CD34: variants seen among roughly 807,000 people sequenced by gnomAD.
CD34 encodes the protein CD34 molecule, also known as hematopoietic progenitor cell antigen CD34.
CD34 carries 34 observed loss-of-function variants against 40.1 expected under a neutral mutation model. The ratio of observed to expected loss-of-function variants is 0.85; its 90% CI spans 0.65 to 1.13. CD34 has a LOEUF of 1.13. Among genes scored for constraint, CD34 ranks in the 50% most tolerant of loss-of-function variants. The pLI is 0.00. For missense variants in CD34, 426 were observed against 466.9 expected, an observed-to-expected ratio of 0.91 and a Z score of 0.81; for synonymous variants, 209 against 190.0, an observed-to-expected ratio of 1.10 and a Z score of -0.82.
At chr1:207,909,658 C>T (rs1021266034) in intron 1 of CD34, among the ~76,000 whole-genome samples, 1 of 152,172 alleles carries the variant, frequency 6.6e-6, no homozygotes, top group Non-Finnish European at 1.5e-5. Context: ...CTGCCTGCCT[C>T]GGCCTCCCAA....
intron 1 of CD34, among the ~76,000 whole-genome samples, chr1:207,903,565 C>T (rs911955094): frequency 6.6e-6 from 1 of 152,184 alleles, no homozygotes; most frequent in Non-Finnish European, 1.5e-5. Context: ...TTGATCTCAA[C>T]TTATGAACTG....
chr1:207,887,447 G>T lies in CD34; in HGVS notation c.*291C>A. ...TAGGGGAAGGGGGTCCTGTGTGAGTGCTGCAAGGCCATCGATTGTTCCTGG... is the reference window on the plus strand; with the variant it reads ...TAGGGGAAGGGGGTCCTGTGTGAGTTCTGCAAGGCCATCGATTGTTCCTGG... On this transcript the variant is annotated 3_prime_UTR_variant, in exon 8 of 8. Transcript: ENST00000310833. 1 of 365,122 alleles carries T rather than the reference G, an allele frequency of 2.7e-6. No homozygotes were observed. Among genetic ancestry groups the T allele is most frequent in the African/African-American group, 2.0e-5 (1 of 48,802 alleles). 22.6% of individuals were successfully genotyped at this position (365,122 alleles called of 1,614,324 possible).
At chr1:207,895,615 A>G (rs1662136116) in intron 4 of CD34, among the ~76,000 whole-genome samples, 1 of 152,226 alleles carries the variant, frequency 6.6e-6, no homozygotes, top group Non-Finnish European at 1.5e-5. Flanking sequence ...TTATTTCTAA[A>G]AGAGCAGTAA....
chr1:207,909,718 G>A (rs1662461412), intron 1 of CD34, among the ~76,000 whole-genome samples: 1 of 152,164 alleles, frequency 6.6e-6, no homozygotes, highest in Admixed American at 6.5e-5. Flanking sequence ...ACTCACTCCT[G>A]TTATGAGGGC....
Sources: gnomAD v4.1 joint callset for allele counts (sites outside exome capture counted in the v4.1 genomes callset) on GRCh38, gnomAD v4.1.1 for gene constraint, MANE v1.5 for transcripts, NCBI Gene and HGNC (gene_info 2026-07-23, HGNC 2026-07-21) for gene names.